Variants in DAP3 observed in about 807,000 individuals in gnomAD.
DAP3 encodes small ribosomal subunit protein mS29.
DAP3 carries 28 observed loss-of-function variants against 51.9 expected under a neutral mutation model. The observed-to-expected ratio is 0.54, with a 90% confidence interval of 0.40 to 0.74. DAP3 has a LOEUF of 0.74. DAP3 is among the 30% of genes least tolerant of loss of function. The pLI is 0.00. For synonymous variants in DAP3, 170 were observed against 170.3 expected (o/e 1.00, Z 0.01); for missense variants, 458 against 483.5 (o/e 0.95, Z 0.49).
At chr1:155,736,748 C>T (rs1179505506) in intron 11 of DAP3, 198 bp from the exon 12 acceptor site, 4 of 572,044 alleles carry the variant, frequency 7.0e-6, no homozygotes, top group Non-Finnish European at 1.2e-5. Flanking sequence ...TTTGTGGCCA[C>T]GTAGAGCACG....
rs761138094 is a variant in DAP3 at position 155,721,636 on chromosome 1, T to C, written c.270+18T>C. 3.7e-6 allele frequency: 6 copies of C among 1,613,136 alleles called. No individual in the cohort carries two copies. Among genetic ancestry groups the C allele is most frequent in the South Asian group, 2.2e-5 (2 of 91,054 alleles). On this transcript the variant is annotated intron_variant, in intron 4 of 12. Coordinates refer to ENST00000368336, the MANE Select transcript of DAP3 (RefSeq NM_004632.4). ...TGATGCAGGTGCTCAAGACAGGGAA[T>C]GGAATTGGAGGGAGCCCAGAATACA...
chr1:155,700,103 A>G (rs1654991816), intron 1 of DAP3, among the ~76,000 whole-genome samples: 1 of 151,982 alleles, frequency 6.6e-6, no homozygotes, highest in Non-Finnish European at 1.5e-5. Flanking sequence ...CGCCCAGTTA[A>G]TTTTGGTATT....
intron 1 of DAP3, among the ~76,000 whole-genome samples, chr1:155,701,653 A>G (rs1326566576): frequency 2.6e-4 from 35 of 136,792 alleles, no homozygotes; most frequent in Non-Finnish European, 4.5e-4. Flanking sequence ...CCCCTCTGTG[A>G]GAAACACCCA....
rs1486359715 is a variant in DAP3 at position 155,731,850 on chromosome 1, T to C, written c.904-94T>C. 4 of 1,279,662 alleles carry C rather than the reference T, an allele frequency of 3.1e-6. No homozygotes were observed. In the East Asian group the frequency reaches 1.0e-4, roughly 33 times the overall value. The allele number at this position is 1,279,662 out of a possible 1,614,324, so 79.3% of individuals were successfully genotyped here. ...TAGACCACACTTTTGTAACACTGTA[T>C]GCCCAAGAAAGAAAAAAAAAATCTA... On this transcript the variant is annotated intron_variant, in intron 10 of 12. Coordinates refer to ENST00000368336, the MANE Select transcript of DAP3 (RefSeq NM_004632.4).
chr1:155,736,091 A>G (rs570667535), intron 11 of DAP3, among the ~76,000 whole-genome samples: 2 of 151,898 alleles, frequency 1.3e-5, no homozygotes, highest in Non-Finnish European at 2.9e-5. Flanking sequence ...TGCCCGCCTC[A>G]GCCTCCCAAA....
chr1:155,724,793 C>G (rs1658390454), intron 4 of DAP3, among the ~76,000 whole-genome samples: 1 of 151,512 alleles, frequency 6.6e-6, no homozygotes, highest in Non-Finnish European at 1.5e-5. Flanking sequence ...TCCTTCTGTA[C>G]TAAAAATACA....
intron 1 of DAP3, among the ~76,000 whole-genome samples, chr1:155,692,792 G>A (rs770966796): frequency 1.4e-5 from 2 of 142,030 alleles, no homozygotes; most frequent in Non-Finnish European, 2.9e-5. Flanking sequence ...ATTTGCAATC[G>A]ATGCTCTAAG....
intron 1 of DAP3, among the ~76,000 whole-genome samples, chr1:155,700,705 C>T (rs2149123281): frequency 7.3e-6 from 1 of 137,796 alleles, no homozygotes; most frequent in Middle Eastern, 4.1e-3. Context: ...GGGGGGTCAG[C>T]CCCCCAACCC....
At chr1:155,719,310 A>G (rs1657719442) in intron 3 of DAP3, among the ~76,000 whole-genome samples, 1 of 141,892 alleles carries the variant, frequency 7.0e-6, no homozygotes, top group South Asian at 2.2e-4. Flanking sequence ...GTCTCGTCTC[A>G]CTGCAACCTC....
chr1:155,688,585 G>C, upstream of DAP3: 15 of 1,536,404 alleles, frequency 9.8e-6, no homozygotes, highest in Non-Finnish European at 1.3e-5. Flanking sequence ...TCACCCACGG[G>C]AACCTCCTCG....
intron 1 of DAP3, among the ~76,000 whole-genome samples, chr1:155,698,070 G>A (rs768506013): frequency 6.6e-5 from 10 of 152,122 alleles, no homozygotes; most frequent in Non-Finnish European, 1.0e-4. Context: ...CTTGTTCCCC[G>A]AAAATCGTTG....
chr1:155,688,840 G>T (rs1653190679), upstream of DAP3: 2 of 1,587,508 alleles, frequency 1.3e-6, no homozygotes, highest in Admixed American at 1.8e-5. Context: ...CGGCTGCAGG[G>T]GCAGGAGAGG....
intron 11 of DAP3, chr1:155,736,731 T>C: frequency 1.9e-6 from 1 of 532,672 alleles, no homozygotes; most frequent in Non-Finnish European, 3.4e-6. Context: ...CTTTTTAATA[T>C]ATAGCATTTG....
At chr1:155,723,695 C>T (rs756522097) in intron 4 of DAP3, among the ~76,000 whole-genome samples, 2 of 152,108 alleles carry the variant, frequency 1.3e-5, no homozygotes, top group Non-Finnish European at 2.9e-5. Context: ...TTTGGAATTG[C>T]CTGTCAAATC....
At chr1:155,725,794 G>A in intron 5 of DAP3, 133 bp from the exon 6 acceptor site, 1 of 750,972 alleles carries the variant, frequency 1.3e-6, no homozygotes. Flanking sequence ...AACCCGGGAA[G>A]CGGAGGTTGC....
chr1:155,712,647 G>A (rs148361291), intron 2 of DAP3, among the ~76,000 whole-genome samples: 2,242 of 144,332 alleles, frequency 0.016, 55 homozygotes, highest in African/African-American at 0.055. Flanking sequence ...ATTCCATTTT[G>A]CTAGCTTTTA....
intron 9 of DAP3, 32 bp downstream of exon 9, chr1:155,729,398 T>A: frequency 6.2e-7 from 1 of 1,607,988 alleles, no homozygotes; most frequent in Non-Finnish European, 8.5e-7. Context: ...ATCTTGTTTC[T>A]CTGATTTCTG....
chr1:155,709,646 A>C (rs1212023195), intron 1 of DAP3, 127 bp from the exon 2 acceptor site: 2 of 646,826 alleles, frequency 3.1e-6, no homozygotes, highest in Non-Finnish European at 2.3e-6. Context: ...AGCTGTAGGC[A>C]TTCTTTATAT....
At chr1:155,705,449 T>G (rs1349954888) in intron 1 of DAP3, among the ~76,000 whole-genome samples, 1 of 150,564 alleles carries the variant, frequency 6.6e-6, no homozygotes, top group Non-Finnish European at 1.5e-5. Context: ...AAAAAAAAAT[T>G]TTTTTTTTAA....
Sources: gnomAD v4.1 joint callset for allele counts (sites outside exome capture counted in the v4.1 genomes callset) on GRCh38, gnomAD v4.1.1 for gene constraint, MANE v1.5 for transcripts, NCBI Gene and HGNC (gene_info 2026-07-23, HGNC 2026-07-21) for gene names.